ANKIB1: variants seen among roughly 807,000 people sequenced by gnomAD.
The protein encoded by ANKIB1 is ankyrin repeat and IBR domain containing 1, also known as ankyrin repeat and IBR domain-containing protein 1.
Under a neutral mutation model 122.1 loss-of-function variants are expected in ANKIB1, and 43 were observed. The ratio of observed to expected loss-of-function variants is 0.35; its 90% confidence interval spans 0.28 to 0.45. The LOEUF is 0.45. Among genes scored for constraint, ANKIB1 ranks in the 20% least tolerant of loss-of-function variants. The pLI is 1.00. For missense variants in ANKIB1, 992 were observed against 1,329.5 expected, an observed-to-expected ratio of 0.75 and a Z score of 3.95; for synonymous variants, 390 against 442.0, an observed-to-expected ratio of 0.88 and a Z score of 1.48.
At chr7:92,393,171 G>A (rs1319911446) in intron 17 of ANKIB1, among the ~76,000 whole-genome samples, 1 of 151,888 alleles carries the variant, frequency 6.6e-6, no homozygotes, top group East Asian at 1.9e-4. Context: ...TATTATCCAG[G>A]CATGACTGTG....
chr7:92,360,134 C>T (rs919578013), intron 9 of ANKIB1, among the ~76,000 whole-genome samples: 1 of 152,070 alleles, frequency 6.6e-6, no homozygotes, highest in African/African-American at 2.4e-5. Context: ...ATTGCATTCA[C>T]AGTGCAACTA....
intron 1 of ANKIB1, among the ~76,000 whole-genome samples, chr7:92,268,941 A>T (rs1462056396): frequency 6.6e-6 from 1 of 152,250 alleles, no homozygotes; most frequent in South Asian, 2.1e-4. Flanking sequence ...AGCTTGTGGT[A>T]GAATGTTTGG....
chr7:92,270,177 C>A (rs977226517), intron 1 of ANKIB1, among the ~76,000 whole-genome samples: 7 of 152,120 alleles, frequency 4.6e-5, no homozygotes, highest in Non-Finnish European at 1.0e-4. Flanking sequence ...ATCCTCCCAC[C>A]ACAGCCACCC....
intron 4 of ANKIB1, among the ~76,000 whole-genome samples, chr7:92,327,038 C>CAGTTGAG (rs1803041308): frequency 6.6e-6 from 1 of 152,150 alleles, no homozygotes; most frequent in Non-Finnish European, 1.5e-5. Flanking sequence ...TATTCATACC[C>CAGTTGAG]AGTTGATTTG....
intron 5 of ANKIB1, among the ~76,000 whole-genome samples, chr7:92,329,255 C>T (rs1363586949): frequency 1.3e-5 from 2 of 152,012 alleles, no homozygotes; most frequent in Non-Finnish European, 2.9e-5. Flanking sequence ...CGTGAGTCAC[C>T]GCACCCAGCC....
At chr7:92,248,725 G>A (rs997413031) in intron 1 of ANKIB1, among the ~76,000 whole-genome samples, 8 of 152,004 alleles carry the variant, frequency 5.3e-5, no homozygotes, top group African/African-American at 1.9e-4. Flanking sequence ...CCAGTCTGTG[G>A]GAGTTTTTAT....
intron 1 of ANKIB1, among the ~76,000 whole-genome samples, chr7:92,270,721 C>T (rs898664625): frequency 2.8e-5 from 4 of 144,526 alleles, no homozygotes; most frequent in Non-Finnish European, 4.5e-5. Context: ...TGTCTTCCAT[C>T]GCTATAGTTT....
intron 4 of ANKIB1, among the ~76,000 whole-genome samples, chr7:92,322,543 A>G (rs1277477286): frequency 6.6e-6 from 1 of 152,128 alleles, no homozygotes; most frequent in Non-Finnish European, 1.5e-5. Context: ...TCCTGACTGT[A>G]TCCCCGAGTG....
chr7:92,287,314 C>CCTTTA (rs1802151313), intron 1 of ANKIB1, among the ~76,000 whole-genome samples: 1 of 152,200 alleles, frequency 6.6e-6, no homozygotes, highest in African/African-American at 2.4e-5. Flanking sequence ...TCCTTAGTCT[C>CCTTTA]CTTTAAACTG....
chr7:92,352,445 CT>C (rs1803684586), intron 8 of ANKIB1, 30 bp from the exon 9 acceptor site: 2 of 1,606,552 alleles, frequency 1.2e-6, no homozygotes, highest in East Asian at 4.5e-5. Context: ...AAAATATTTT[CT>C]TTTGTGTTTT....
intron 5 of ANKIB1, among the ~76,000 whole-genome samples, chr7:92,330,445 A>AT (rs1429747306): frequency 2.0e-5 from 3 of 152,116 alleles, no homozygotes; most frequent in African/African-American, 7.2e-5. Flanking sequence ...GTAAAATTAC[A>AT]TTTTTTATTG....
intron 2 of ANKIB1, among the ~76,000 whole-genome samples, chr7:92,298,363 A>G (rs1802396755): frequency 1.3e-5 from 2 of 151,960 alleles, no homozygotes; most frequent in African/African-American, 2.4e-5. Context: ...ATTAAAACTT[A>G]TTTATAATAC....
intron 3 of ANKIB1, among the ~76,000 whole-genome samples, chr7:92,311,013 G>A (rs987213713): frequency 6.6e-6 from 1 of 152,124 alleles, no homozygotes; most frequent in Non-Finnish European, 1.5e-5. Context: ...GAAAGGCTTA[G>A]ATGTCTCTTA....
chr7:92,290,210 G>A (rs1208712218), intron 1 of ANKIB1, among the ~76,000 whole-genome samples: 1 of 152,194 alleles, frequency 6.6e-6, no homozygotes, highest in Non-Finnish European at 1.5e-5. Flanking sequence ...TCATCTGTTT[G>A]ATTTCAACCT....
At chr7:92,256,119 C>T (rs994113843) in intron 1 of ANKIB1, among the ~76,000 whole-genome samples, 1 of 152,130 alleles carries the variant, frequency 6.6e-6, no homozygotes, top group Non-Finnish European at 1.5e-5. Context: ...TAAGCTGATA[C>T]TTGAATGAGT....
At chr7:92,274,559 T>C (rs1003742556) in intron 1 of ANKIB1, among the ~76,000 whole-genome samples, 14 of 152,094 alleles carry the variant, frequency 9.2e-5, no homozygotes, top group African/African-American at 3.4e-4. Flanking sequence ...ATTTTCTTTG[T>C]GGTCATTTAA....
intron 5 of ANKIB1, among the ~76,000 whole-genome samples, chr7:92,340,957 AC>A (rs1257174490): frequency 1.3e-5 from 2 of 152,286 alleles, no homozygotes; most frequent in East Asian, 1.9e-4. Context: ...GAACTGTAAC[AC>A]CCATTGCTGT....
At chr7:92,327,686 G>C (rs955096364) in intron 4 of ANKIB1, 97 bp from the exon 5 acceptor site, 6 of 504,986 alleles carry the variant, frequency 1.2e-5, no homozygotes, top group African/African-American at 2.0e-5. Flanking sequence ...ATGTGGAACC[G>C]TGGATACATT....
chr7:92,287,799 G>T (rs1327557426), intron 1 of ANKIB1, among the ~76,000 whole-genome samples: 1 of 152,080 alleles, frequency 6.6e-6, no homozygotes, highest in Non-Finnish European at 1.5e-5. Context: ...ACTTTGGGAG[G>T]CCAGGGTGGG....
Sources: gnomAD v4.1 joint callset for allele counts (sites outside exome capture counted in the v4.1 genomes callset) on GRCh38, gnomAD v4.1.1 for gene constraint, MANE v1.5 for transcripts, NCBI Gene and HGNC (gene_info 2026-07-23, HGNC 2026-07-21) for gene names.